The following CDH8 variants were observed in gnomAD, a reference collection of about 807,000 sequenced individuals.
CDH8 encodes cadherin-8.
In CDH8, 17 loss-of-function variants were observed where a neutral mutation model predicts 68.1. That is an observed-to-expected ratio of 0.25 (90% CI 0.17 to 0.37). The LOEUF (loss-of-function observed/expected upper bound fraction) is 0.37. CDH8 is among the 10% of genes least tolerant of loss of function. The pLI, the probability that CDH8 is intolerant of heterozygous loss-of-function variation, is 1.00. For missense variants in CDH8, 763 were observed against 999.3 expected, an observed-to-expected ratio of 0.76 and a Z score of 3.19; for synonymous variants, 372 against 365.1, an observed-to-expected ratio of 1.02 and a Z score of -0.21.
At chr16:61,822,192 C>A (rs1301414094) in intron 5 of CDH8, among the ~76,000 whole-genome samples, 1 of 121,026 alleles carries the variant, frequency 8.3e-6, no homozygotes, top group Non-Finnish European at 1.6e-5. Flanking sequence ...TAGTAACTGG[C>A]TCAAAAACGC....
At chr16:61,862,679 A>T (rs1430960362) in intron 3 of CDH8, among the ~76,000 whole-genome samples, 1 of 152,166 alleles carries the variant, frequency 6.6e-6, no homozygotes, top group South Asian at 2.1e-4. Flanking sequence ...CATGGGGGAA[A>T]AAATGGATGT....
chr16:61,914,698 A>C (rs1964210746), intron 2 of CDH8, among the ~76,000 whole-genome samples: 1 of 151,750 alleles, frequency 6.6e-6, no homozygotes, highest in Non-Finnish European at 1.5e-5. Flanking sequence ...CGTTGTGCAC[A>C]TGTACCCTAG....
Position 61,653,088 on chromosome 16 carries a change from G to A in CDH8, c.*520C>T. 1 of 1,265,518 alleles carries A rather than the reference G, an allele frequency of 7.9e-7. No homozygotes were observed. The highest frequency in any genetic ancestry group is 3.3e-5 in the South Asian group (1 of 30,440). The allele number at this position is 1,265,518 out of a possible 1,614,324, so 78.4% of individuals were successfully genotyped here. On this transcript the variant is annotated 3_prime_UTR_variant, in exon 12 of 12. Coordinates refer to ENST00000577390, the MANE Select transcript of CDH8 (RefSeq NM_001796.5). ...TGTGGTCACCGTACTGTATAATCTA[G>A]GAGGCCTCTCAAAACTCCAAAAAGT...
chr16:61,854,042 A>G (rs1962994186), intron 4 of CDH8, among the ~76,000 whole-genome samples: 1 of 152,046 alleles, frequency 6.6e-6, no homozygotes, highest in African/African-American at 2.4e-5. Context: ...ATTTACATAC[A>G]CATGTGTATA....
At chr16:61,750,673 C>A (rs980465599) in intron 8 of CDH8, among the ~76,000 whole-genome samples, 2 of 152,074 alleles carry the variant, frequency 1.3e-5, no homozygotes, top group African/African-American at 4.8e-5. Flanking sequence ...GGTGATGTCA[C>A]TCCCAGGATT....
intron 10 of CDH8, among the ~76,000 whole-genome samples, chr16:61,686,743 C>T (rs944989830): frequency 6.6e-6 from 1 of 151,852 alleles, no homozygotes; most frequent in East Asian, 1.9e-4. Context: ...CAGCTAGAAA[C>T]CCTGACAGAG....
chr16:61,831,798 T>C lies in CDH8; in HGVS notation c.668-6619A>G, dbSNP rs544236868. ...TTCACGGGTCTCCCAGATTGTGCTG[T>C]TCAAAGATTGCAGTTGATATAAAAT... On this transcript the variant is annotated intron_variant, in intron 4 of 11. Transcript: ENST00000577390. 9.9e-5 allele frequency among the ~76,000 whole-genome samples: 15 copies of C among 151,934 alleles called. No individual in the cohort carries two copies. In the South Asian group the frequency reaches 2.9e-3, roughly 29 times the overall value.
intron 10 of CDH8, among the ~76,000 whole-genome samples, chr16:61,684,222 C>A (rs780940119): frequency 6.6e-6 from 1 of 151,918 alleles, no homozygotes; most frequent in Non-Finnish European, 1.5e-5. Flanking sequence ...ATGTTCTTAT[C>A]TTTCTGAGGC....
At chr16:61,775,863 C>T (rs912957808) in intron 8 of CDH8, among the ~76,000 whole-genome samples, 3 of 152,050 alleles carry the variant, frequency 2.0e-5, no homozygotes, top group African/African-American at 7.2e-5. Context: ...CCAGCTGCTC[C>T]ACAGAACCAG....
intron 4 of CDH8, among the ~76,000 whole-genome samples, chr16:61,835,470 G>C (rs1962550298): frequency 6.6e-6 from 1 of 151,992 alleles, no homozygotes; most frequent in Non-Finnish European, 1.5e-5. Flanking sequence ...ACTTCGTGTA[G>C]ACTGTTACTT....
At chr16:61,870,131 A>G (rs996642944) in intron 3 of CDH8, among the ~76,000 whole-genome samples, 1 of 152,190 alleles carries the variant, frequency 6.6e-6, no homozygotes, top group African/African-American at 2.4e-5. Flanking sequence ...CGATGTATCT[A>G]GAAGAAAGAA....
At chr16:61,819,021 T>A (rs981965832) in intron 6 of CDH8, among the ~76,000 whole-genome samples, 1 of 149,058 alleles carries the variant, frequency 6.7e-6, no homozygotes, top group Non-Finnish European at 1.5e-5. Context: ...AGCACATGCA[T>A]CCATGAATAG....
chr16:61,766,639 ACTGT>A (rs1218421647), intron 8 of CDH8, among the ~76,000 whole-genome samples: 3 of 136,102 alleles, frequency 2.2e-5, no homozygotes, highest in South Asian at 2.3e-4. Context: ...TCACCTCCAC[ACTGT>A]CTATTTCTGT....
chr16:61,815,657 T>A (rs1247326861), intron 7 of CDH8, among the ~76,000 whole-genome samples: 1 of 152,118 alleles, frequency 6.6e-6, no homozygotes, highest in Admixed American at 6.5e-5. Context: ...TCTGAAGCCC[T>A]TACATGCTCC....
At chr16:62,006,906 CT>C in intron 2 of CDH8, among the ~76,000 whole-genome samples, 1 of 78,284 alleles carries the variant, frequency 1.3e-5, no homozygotes, top group Non-Finnish European at 2.2e-5. Context: ...ATTTCATAAT[CT>C]TTTTGTTTTT....
intron 3 of CDH8, among the ~76,000 whole-genome samples, chr16:61,870,088 T>C (rs894793993): frequency 6.6e-6 from 1 of 152,224 alleles, no homozygotes; most frequent in Admixed American, 6.5e-5. Flanking sequence ...TGACAATCAT[T>C]GATTTAGCAG....
intron 3 of CDH8, among the ~76,000 whole-genome samples, chr16:61,898,616 C>T (rs534793589): frequency 6.2e-4 from 94 of 152,094 alleles, no homozygotes; most frequent in Non-Finnish European, 1.2e-3. Flanking sequence ...GAATCAAGCA[C>T]ACTATTTGGA....
chr16:61,777,058 A>C (rs1960920888), intron 8 of CDH8, among the ~76,000 whole-genome samples: 1 of 152,122 alleles, frequency 6.6e-6, no homozygotes, highest in African/African-American at 2.4e-5. Context: ...ATGAAAAAGC[A>C]ATGATTCCAA....
intron 2 of CDH8, among the ~76,000 whole-genome samples, chr16:61,965,150 C>T (rs1315254694): frequency 6.6e-6 from 1 of 152,196 alleles, no homozygotes. Context: ...TGAAAATCCC[C>T]TCAAGTAGGC....
Sources: gnomAD v4.1 joint callset for allele counts (sites outside exome capture counted in the v4.1 genomes callset) on GRCh38, gnomAD v4.1.1 for gene constraint, MANE v1.5 for transcripts, NCBI Gene and HGNC (gene_info 2026-07-23, HGNC 2026-07-21) for gene names.